NRXN3: variants seen among roughly 807,000 people sequenced by gnomAD.
NRXN3 encodes neurexin III.
Under a neutral mutation model 137.6 loss-of-function variants are expected in NRXN3, and 32 were observed. The ratio of observed to expected loss-of-function variants is 0.23; its 90% CI spans 0.18 to 0.31. NRXN3 has a LOEUF of 0.31. Among genes scored for constraint, NRXN3 ranks in the 10% least tolerant of loss-of-function variants. The pLI is 1.00. For missense variants in NRXN3, 1,574 were observed against 2,062.5 expected (o/e 0.76, Z 4.59); for synonymous variants, 798 against 784.5 (o/e 1.02, Z -0.29).
At chr14:78,374,829 A>G (rs2087529632) in intron 4 of NRXN3, among the ~76,000 whole-genome samples, 1 of 151,838 alleles carries the variant, frequency 6.6e-6, no homozygotes, top group Non-Finnish European at 1.5e-5. Flanking sequence ...TTTCAGAAAA[A>G]TTGTGCTACA....
chr14:79,340,522 A>G (rs907085323), intron 15 of NRXN3, among the ~76,000 whole-genome samples: 1 of 152,124 alleles, frequency 6.6e-6, no homozygotes, highest in African/African-American at 2.4e-5. Flanking sequence ...CTGGAGTGCA[A>G]TGGTGCGATA....
At chr14:79,401,232 C>T (rs1324690889) in intron 15 of NRXN3, among the ~76,000 whole-genome samples, 2 of 152,178 alleles carry the variant, frequency 1.3e-5, no homozygotes. Context: ...ATGATCTAGG[C>T]TCTCACAAGC....
At chr14:79,000,599 G>T (rs1225574849) in intron 15 of NRXN3, among the ~76,000 whole-genome samples, 3 of 152,134 alleles carry the variant, frequency 2.0e-5, no homozygotes, top group African/African-American at 7.2e-5. Context: ...TTAAGAGTAA[G>T]TGTTCTTTCT....
intron 1 of NRXN3, among the ~76,000 whole-genome samples, chr14:78,239,993 C>G (rs918133549): frequency 6.6e-6 from 1 of 152,220 alleles, no homozygotes; most frequent in Non-Finnish European, 1.5e-5. Context: ...CGCAAGCCAC[C>G]GTGCATAGCC....
chr14:78,889,920 C>T (rs2099154358), intron 10 of NRXN3, among the ~76,000 whole-genome samples: 1 of 151,984 alleles, frequency 6.6e-6, no homozygotes, highest in Non-Finnish European at 1.5e-5. Context: ...TGAAAACTAT[C>T]TTTGTAAGAG....
chr14:79,456,351 C>T (rs2096256590), intron 15 of NRXN3, among the ~76,000 whole-genome samples: 1 of 152,170 alleles, frequency 6.6e-6, no homozygotes, highest in East Asian at 1.9e-4. Context: ...GGAATTCTTT[C>T]ATATCCAAAC....
intron 15 of NRXN3, among the ~76,000 whole-genome samples, chr14:79,402,295 T>C (rs1336736472): frequency 1.3e-5 from 2 of 152,322 alleles, no homozygotes; most frequent in African/African-American, 4.8e-5. Context: ...TAGAAAATAC[T>C]AACTATACAA....
At chr14:78,483,907 C>T (rs17107745) in intron 4 of NRXN3, among the ~76,000 whole-genome samples, 15 of 149,974 alleles carry the variant, frequency 1.0e-4, no homozygotes, top group African/African-American at 3.4e-4. Context: ...ACTGCTGGTT[C>T]GATTTTTCAG....
chr14:78,482,009 G>A (rs1021869735), intron 4 of NRXN3, among the ~76,000 whole-genome samples: 1 of 152,092 alleles, frequency 6.6e-6, no homozygotes, highest in Non-Finnish European at 1.5e-5. Context: ...TTATATCAAG[G>A]AGTCAACTAA....
intron 15 of NRXN3, among the ~76,000 whole-genome samples, chr14:79,295,608 C>T (rs1242443635): frequency 6.6e-6 from 1 of 152,102 alleles, no homozygotes; most frequent in Non-Finnish European, 1.5e-5. Context: ...CTGGCAAAGA[C>T]TGAGTTTTCA....
At position 79,772,377 on chromosome 14, in the gene NRXN3, T is replaced by C. The variant is rs375601456; in HGVS notation, c.4015-32735T>C. 2.2e-4 allele frequency among the ~76,000 whole-genome samples: 33 copies of C among 152,090 alleles called. No individual in the cohort carries two copies. In the East Asian group the frequency reaches 3.1e-3, roughly 14 times the overall value. On this transcript the variant is annotated intron_variant, in intron 19 of 20. Coordinates refer to ENST00000335750, the MANE Select transcript of NRXN3 (RefSeq NM_001330195.2). ...CATCACACTACCTGACTTCAAACTA[T>C]ACTACAAGGCTACAGTAAGCAAAAC...
intron 4 of NRXN3, among the ~76,000 whole-genome samples, chr14:78,314,899 CTT>C (rs1455082969): frequency 1.0e-4 from 10 of 97,442 alleles, no homozygotes; most frequent in African/African-American, 5.3e-4. Context: ...CTTTCTCTTT[CTT>C]TCTTTCTTTC....
intron 15 of NRXN3, among the ~76,000 whole-genome samples, chr14:79,370,638 G>C (rs544169285): frequency 6.6e-6 from 1 of 152,046 alleles, no homozygotes; most frequent in Non-Finnish European, 1.5e-5. Context: ...TAAATAACTC[G>C]TCCAGAAGGT....
At chr14:78,373,031 A>G (rs1031569286) in intron 4 of NRXN3, among the ~76,000 whole-genome samples, 1 of 152,248 alleles carries the variant, frequency 6.6e-6, no homozygotes, top group Non-Finnish European at 1.5e-5. Context: ...TGGCATCACC[A>G]TGGCTCTGGG....
chr14:78,598,254 A>C lies in NRXN3; in HGVS notation c.758-46866A>C, dbSNP rs147200664. ...GCTAGAATGCAGTAGCATACCCAGCACCCCCTCAGACTTGGCTTGGTGGTG... is the reference window on the plus strand; with the variant it reads ...GCTAGAATGCAGTAGCATACCCAGCCCCCCCTCAGACTTGGCTTGGTGGTG... On this transcript the variant is annotated intron_variant, in intron 4 of 20. Coordinates refer to ENST00000335750, the MANE Select transcript of NRXN3 (RefSeq NM_001330195.2). Among the ~76,000 whole-genome samples, 1,251 of 152,014 alleles carry C rather than the reference A, an allele frequency of 8.2e-3. 18 individuals are homozygous for C. The highest frequency in any genetic ancestry group is 0.029 in the African/African-American group (1,200 of 41,422).
At chr14:79,262,384 G>A (rs181976979) in intron 15 of NRXN3, among the ~76,000 whole-genome samples, 2 of 151,544 alleles carry the variant, frequency 1.3e-5, no homozygotes, top group African/African-American at 4.8e-5. Context: ...GAAAAAGAGG[G>A]AGAAGGAAGA....
chr14:78,347,580 A>G (rs1172042771), intron 4 of NRXN3, among the ~76,000 whole-genome samples: 2 of 152,128 alleles, frequency 1.3e-5, no homozygotes, highest in Non-Finnish European at 1.5e-5. Context: ...AATACAAGAC[A>G]TGCATCCCTG....
At chr14:79,659,711 A>G (rs973658166) in intron 16 of NRXN3, among the ~76,000 whole-genome samples, 3 of 151,410 alleles carry the variant, frequency 2.0e-5, no homozygotes, top group Admixed American at 6.6e-5. Flanking sequence ...AGAGGTAACA[A>G]CTGGCCCCTC....
At chr14:78,251,260 T>C (rs1033018334) in intron 2 of NRXN3, among the ~76,000 whole-genome samples, 2 of 152,182 alleles carry the variant, frequency 1.3e-5, no homozygotes, top group African/African-American at 4.8e-5. Flanking sequence ...TGCCTTCAGC[T>C]TCTCTCTGCA....
Sources: gnomAD v4.1 joint callset for allele counts (sites outside exome capture counted in the v4.1 genomes callset) on GRCh38, gnomAD v4.1.1 for gene constraint, MANE v1.5 for transcripts, NCBI Gene and HGNC (gene_info 2026-07-23, HGNC 2026-07-21) for gene names.